The following AP5S1 variants were observed in gnomAD, a reference collection of about 807,000 sequenced individuals.
The protein encoded by AP5S1 is adaptor related protein complex 5 subunit sigma 1, also known as AP-5 complex subunit sigma-1.
A neutral mutation model predicts 13.9 loss-of-function variants in AP5S1; 13 were observed. The ratio of observed to expected loss-of-function variants is 0.94; its 90% CI spans 0.61 to 1.49. The LOEUF is 1.49. Ranked by LOEUF, AP5S1 falls within the 40% of genes most tolerant of loss-of-function variation. The pLI is 0.00. For missense variants in AP5S1, 292 were observed against 272.3 expected (o/e 1.07, Z -0.51); for synonymous variants, 132 against 121.8 (o/e 1.08, Z -0.55).
rs1384517443 is a variant in AP5S1 at position 3,827,680 on chromosome 20, T to C, written c.*3383T>C. On this transcript the variant is annotated 3_prime_UTR_variant, in exon 3 of 3. Transcript: ENST00000615891. The stretch of plus-strand genomic sequence containing the variant: ...TGGGATTGGATCATCTTGTCTCCTT[T>C]AGGGCAGGGTGTTTTTTTCTAGCCC... 6.6e-6 allele frequency: 1 copy of C among 152,192 alleles called. No individual in the cohort carries two copies. The highest frequency in any genetic ancestry group is 2.4e-5 in the African/African-American group (1 of 41,436). 9.4% of individuals were successfully genotyped at this position (152,192 alleles called of 1,614,324 possible). A position where few individuals can be genotyped will look rare whatever the true frequency, so the allele number is the denominator to read the frequency against.
chr20:3,823,694 A>G, intron 2 of AP5S1, 177 bp from the exon 3 acceptor site: 1 of 985,382 alleles, frequency 1.0e-6, no homozygotes, highest in Non-Finnish European at 1.2e-6. Flanking sequence ...GTGGTTCAGG[A>G]CCTGGAGGCT....
In AP5S1 at chr20:3,824,288, G is replaced by GC; in HGVS notation, c.598dup (p.Arg200ProfsTer33). The GC allele has an allele frequency of 6.2e-7, 1 of 1,611,182 alleles. No homozygotes were observed. The highest frequency in any genetic ancestry group is 8.5e-7 in the Non-Finnish European group (1 of 1,177,794). On this transcript the variant is annotated frameshift_variant, in exon 3 of 3. Transcript: ENST00000615891. LOFTEE classifies it high-confidence loss of function. ...TGGAGAAGGAATTCAGTGCCGCTTG[G>GC]CCCCGCTGATTCCTCGTTGGGATGG...
In AP5S1 at chr20:3,828,211, CTTTA is replaced by C. The variant is rs1262594563; in HGVS notation, c.*3918_*3921del. On this transcript the variant is annotated 3_prime_UTR_variant, in exon 3 of 3. Coordinates refer to ENST00000615891, the MANE Select transcript of AP5S1 (RefSeq NM_018347.3). ...GGCCGTGACCGTTTTCTTAAATATA[CTTTA>C]TTTGTTTAGTGCAATTTTAGGTTCA... 1.3e-5 allele frequency: 2 copies of C among 152,138 alleles called. No individual in the cohort carries two copies. 9.4% of individuals were successfully genotyped at this position (152,138 alleles called of 1,614,324 possible).
chr20:3,820,891 G>A (rs901487337), intron 1 of AP5S1, 133 bp downstream of exon 1: 1 of 152,196 alleles, frequency 6.6e-6, no homozygotes, highest in African/African-American at 2.4e-5. Flanking sequence ...TTCTCGAAGT[G>A]CCTTTGCGAA....
rs1295441093 is a variant in AP5S1 at position 3,827,754 on chromosome 20, TTTC to T, written c.*3460_*3462del. The T allele has an allele frequency of 6.6e-6, 1 of 150,696 alleles. No individual in the cohort carries two copies. The highest frequency in any genetic ancestry group is 6.6e-5 in the Admixed American group (1 of 15,102). 9.3% of individuals were successfully genotyped at this position (150,696 alleles called of 1,614,324 possible). A position where few individuals can be genotyped will look rare whatever the true frequency, so the allele number is the denominator to read the frequency against. On this transcript the variant is annotated 3_prime_UTR_variant, in exon 3 of 3. Coordinates refer to ENST00000615891, the MANE Select transcript of AP5S1 (RefSeq NM_018347.3). ...ATCCCCCCAGGGCTCAATGTTTTCTTTTCTTTTTCTTTTTTTTTTTTTTTTGAG... is the reference window on the plus strand; with the variant it reads ...ATCCCCCCAGGGCTCAATGTTTTCTTTTTTTCTTTTTTTTTTTTTTTTGAG...
At chr20:3,822,997 C>T (rs906311098) in intron 2 of AP5S1, among the ~76,000 whole-genome samples, 5 of 151,888 alleles carry the variant, frequency 3.3e-5, no homozygotes, top group African/African-American at 4.9e-5. Flanking sequence ...GGGCAACCTT[C>T]TGCCAACTCC....
At position 3,824,108 on chromosome 20, in the gene AP5S1, G is replaced by T; in HGVS notation, c.414G>T (p.Thr138=). 6.2e-7 allele frequency: 1 copy of T among 1,613,888 alleles called. No individual in the cohort carries two copies. The change falls in exon 3 of 3, where the codon ACG becomes ACT. Residue 138 remains threonine (T), a synonymous_variant. Coordinates refer to ENST00000615891, the MANE Select transcript of AP5S1 (RefSeq NM_018347.3). ...AGAACCTGCTACTGGCTGAGGGCAC[G>T]CTCCGGCTGCTGACACGCCTCCTCC... ...AHENLLLAEG[T]LRLLTRLLLD... is the part of the protein sequence containing the mutation.
chr20:3,824,438 G>T lies in AP5S1; in HGVS notation c.*141G>T. ...GGGTGACACAAGCCTGCAGAAAGGG[G>T]GCTGGGCAGAGGGTGGAGGAGGTCC... On this transcript the variant is annotated 3_prime_UTR_variant, in exon 3 of 3. Transcript: ENST00000615891. The T allele has an allele frequency of 1.1e-6, 1 of 886,980 alleles. No homozygotes were observed. 54.9% of individuals were successfully genotyped at this position (886,980 alleles called of 1,614,324 possible).
intron 1 of AP5S1, chr20:3,821,004 G>A (rs532445913): frequency 6.6e-6 from 1 of 152,314 alleles, no homozygotes; most frequent in Non-Finnish European, 1.5e-5. Context: ...CGGCCACTGA[G>A]CCAGCCAGAT....
chr20:3,826,885 A>C lies in AP5S1; in HGVS notation c.*2588A>C, dbSNP rs967054568. 1 of 152,334 alleles carries C rather than the reference A, an allele frequency of 6.6e-6. No homozygotes were observed. Among genetic ancestry groups the C allele is most frequent in the Non-Finnish European group, 1.5e-5 (1 of 68,140 alleles). The allele number at this position is 152,334 out of a possible 1,614,324, so 9.4% of individuals were successfully genotyped here. A position where few individuals can be genotyped will look rare whatever the true frequency, so the allele number is the denominator to read the frequency against. ...TTCCAGGAGAGACAGAGCTAAGGCC[A>C]GGTGACTGCAGATGACTGCAAAGCA... On this transcript the variant is annotated 3_prime_UTR_variant, in exon 3 of 3. Transcript: ENST00000615891.
At chr20:3,821,165 A>T (rs931594974) in intron 1 of AP5S1, among the ~76,000 whole-genome samples, 109 of 152,222 alleles carry the variant, frequency 7.2e-4, no homozygotes, top group African/African-American at 2.4e-3. Flanking sequence ...TCCCTGGACC[A>T]AGTGAGTTAG....
chr20:3,822,298 C>G lies in AP5S1; in HGVS notation c.176+5C>G. On this transcript the variant is annotated splice_donor_5th_base_variant and intron_variant, in intron 2 of 2. Transcript: ENST00000615891. ...ACAGATTTTAGCTGTGGCCAGGTAA[C>G]CACACAGCCCAGCCCCAGGCCTTCA... 2 of 1,613,604 alleles carry G rather than the reference C, an allele frequency of 1.2e-6. No individual in the cohort carries two copies. The highest frequency in any genetic ancestry group is 1.7e-6 in the Non-Finnish European group (2 of 1,179,692).
At chr20:3,821,204 T>C (rs2089577758) in intron 1 of AP5S1, among the ~76,000 whole-genome samples, 1 of 152,164 alleles carries the variant, frequency 6.6e-6, no homozygotes, top group African/African-American at 2.4e-5. Context: ...GTTTCCTCTA[T>C]ATTTAGAGGC....
intron 2 of AP5S1, among the ~76,000 whole-genome samples, chr20:3,822,762 T>C (rs2089593489): frequency 6.6e-6 from 1 of 152,200 alleles, no homozygotes; most frequent in African/African-American, 2.4e-5. Context: ...GTGCAGTACT[T>C]AACAGGGCCT....
In AP5S1 at chr20:3,826,019, C is replaced by A. The variant is rs1211037365; in HGVS notation, c.*1722C>A. On this transcript the variant is annotated 3_prime_UTR_variant, in exon 3 of 3. Transcript: ENST00000615891. ...AGTTTACATTGATTTTCATGATCTTCCTGTTACCAAGGAAGGTGAGGCTTT... is the reference window on the plus strand; with the variant it reads ...AGTTTACATTGATTTTCATGATCTTACTGTTACCAAGGAAGGTGAGGCTTT... The A allele has an allele frequency of 6.6e-6, 1 of 151,974 alleles. No homozygotes were observed. The highest frequency in any genetic ancestry group is 2.4e-5 in the African/African-American group (1 of 41,368). 9.4% of individuals were successfully genotyped at this position (151,974 alleles called of 1,614,324 possible).
At position 3,824,953 on chromosome 20, in the gene AP5S1, C is replaced by T. The variant is rs2089615167; in HGVS notation, c.*656C>T. On this transcript the variant is annotated 3_prime_UTR_variant, in exon 3 of 3. Transcript: ENST00000615891. The stretch of plus-strand genomic sequence containing the variant: ...TCTCAAAAAAAAAAAAAAAATCCCA[C>T]AGTCATCGAAACACAAAAGGGGTCT... The T allele has an allele frequency of 7.5e-6, 1 of 132,842 alleles. No homozygotes were observed. Among genetic ancestry groups the T allele is most frequent in the Non-Finnish European group, 1.6e-5 (1 of 62,138 alleles). The allele number at this position is 132,842 out of a possible 1,614,324, so 8.2% of individuals were successfully genotyped here.
rs2089637308 is a variant in AP5S1, at chr20:3,828,598, T to C, written c.*4301T>C. The C allele has an allele frequency of 6.6e-6, 1 of 152,244 alleles. No individual in the cohort carries two copies. Among genetic ancestry groups the C allele is most frequent in the South Asian group, 2.1e-4 (1 of 4,828 alleles). The allele number at this position is 152,244 out of a possible 1,614,324, so 9.4% of individuals were successfully genotyped here. On this transcript the variant is annotated 3_prime_UTR_variant, in exon 3 of 3. Transcript: ENST00000615891. ...TTCCATAGTTTTGCCTTTTCCAGAA[T>C]GTTGTGTAGTTAGATTCATACTGTA...
intron 1 of AP5S1, 144 bp from the exon 2 acceptor site, chr20:3,821,955 ATGT>A (rs1333720672): frequency 5.3e-6 from 7 of 1,327,916 alleles, no homozygotes; most frequent in African/African-American, 1.6e-5. Flanking sequence ...CTGTTATGTG[ATGT>A]TGTTCAGATG....
chr20:3,822,757 G>A (rs1010799170), intron 2 of AP5S1, among the ~76,000 whole-genome samples: 1 of 152,200 alleles, frequency 6.6e-6, no homozygotes, highest in Non-Finnish European at 1.5e-5. Context: ...TTTCAGTGCA[G>A]TACTTAACAG....
Sources: gnomAD v4.1 joint callset for allele counts (sites outside exome capture counted in the v4.1 genomes callset) on GRCh38, gnomAD v4.1.1 for gene constraint, MANE v1.5 for transcripts, NCBI Gene and HGNC (gene_info 2026-07-23, HGNC 2026-07-21) for gene names.